The following EPHA6 variants were observed in gnomAD, a reference collection of about 807,000 sequenced individuals.
EPHA6 encodes the protein EPH receptor A6, also known as ephrin type-A receptor 6.
In EPHA6, 50 loss-of-function variants were observed where a neutral mutation model predicts 112.0. The ratio of observed to expected loss-of-function variants is 0.45; its 90% CI spans 0.36 to 0.56. The LOEUF (loss-of-function observed/expected upper bound fraction) is 0.56, where lower values mean the gene tolerates loss of function less well. Ranked by LOEUF, EPHA6 falls within the 20% of genes least tolerant of loss-of-function variation. The pLI, the probability that EPHA6 is intolerant of heterozygous loss-of-function variation, is 0.00. For missense variants in EPHA6, 1,280 were observed against 1,417.4 expected, an observed-to-expected ratio of 0.90 and a Z score of 1.56; for synonymous variants, 529 against 490.7, an observed-to-expected ratio of 1.08 and a Z score of -1.03.
At chr3:97,051,144 G>A (rs1310094172) in intron 3 of EPHA6, among the ~76,000 whole-genome samples, 1 of 152,128 alleles carries the variant, frequency 6.6e-6, no homozygotes, top group Non-Finnish European at 1.5e-5. Flanking sequence ...GGCAATCTAT[G>A]AAACAATTAA....
intron 2 of EPHA6, among the ~76,000 whole-genome samples, chr3:96,967,704 G>T (rs1000200749): frequency 6.6e-6 from 1 of 151,366 alleles, no homozygotes; most frequent in Admixed American, 6.6e-5. Flanking sequence ...GTGTGTGTGT[G>T]TTTTAATTAT....
chr3:96,898,625 C>T (rs1326907452), intron 2 of EPHA6, among the ~76,000 whole-genome samples: 1 of 152,082 alleles, frequency 6.6e-6, no homozygotes, highest in Non-Finnish European at 1.5e-5. Flanking sequence ...CCCATTATGA[C>T]TAGTTAAAAG....
chr3:96,877,131 G>A (rs2037008645), intron 2 of EPHA6, among the ~76,000 whole-genome samples: 1 of 152,082 alleles, frequency 6.6e-6, no homozygotes, highest in South Asian at 2.1e-4. Context: ...GCTATATTTT[G>A]CAACTCTCAT....
chr3:97,241,805 T>C (rs575784529), intron 4 of EPHA6, among the ~76,000 whole-genome samples: 183 of 149,314 alleles, frequency 1.2e-3, no homozygotes, highest in African/African-American at 4.3e-3. Context: ...CGGACAGTTA[T>C]ATACTTATAG....
Position 97,484,066 on chromosome 3 carries a change from G to C in EPHA6, c.2200+7G>C. The C allele has an allele frequency of 6.3e-7, 1 of 1,594,922 alleles. No homozygotes were observed. The highest frequency in any genetic ancestry group is 1.8e-5 in the Admixed American group (1 of 56,672). ...GAGAGAGTCATTGGGGCAGGTAAATGTCAAATCTACACTTTTGAACAAAAC... is the reference window on the plus strand; with the variant it reads ...GAGAGAGTCATTGGGGCAGGTAAATCTCAAATCTACACTTTTGAACAAAAC... On this transcript the variant is annotated splice_region_variant and intron_variant, in intron 10 of 17. Coordinates refer to ENST00000389672, the MANE Select transcript of EPHA6 (RefSeq NM_001080448.3).
chr3:97,434,856 T>G (rs553162069), intron 6 of EPHA6, among the ~76,000 whole-genome samples: 1 of 151,572 alleles, frequency 6.6e-6, no homozygotes, highest in South Asian at 2.1e-4. Flanking sequence ...ATCATACTCT[T>G]TCTCTCTCTC....
At chr3:97,439,689 T>C in intron 6 of EPHA6, 1 of 897,452 alleles carries the variant, frequency 1.1e-6, no homozygotes. Flanking sequence ...TTCTTTGTCA[T>C]GGGTTCAGTG....
At chr3:97,459,890 T>A (rs1419560824) in intron 7 of EPHA6, among the ~76,000 whole-genome samples, 2 of 152,226 alleles carry the variant, frequency 1.3e-5, no homozygotes, top group South Asian at 2.1e-4. Context: ...TCTCTGACAG[T>A]TCATATTTGG....
chr3:97,264,526 T>C (rs754048174), intron 5 of EPHA6, among the ~76,000 whole-genome samples: 1 of 152,194 alleles, frequency 6.6e-6, no homozygotes, highest in Non-Finnish European at 1.5e-5. Flanking sequence ...GCCACAGCCC[T>C]GGATTGGGGA....
chr3:97,441,737 A>T (rs2090144280), intron 6 of EPHA6, among the ~76,000 whole-genome samples: 1 of 152,084 alleles, frequency 6.6e-6, no homozygotes, highest in African/African-American at 2.4e-5. Flanking sequence ...TTAAAATGTA[A>T]TTATAAGTGG....
intron 11 of EPHA6, among the ~76,000 whole-genome samples, chr3:97,555,037 G>A (rs933758153): frequency 3.3e-5 from 5 of 151,492 alleles, no homozygotes; most frequent in African/African-American, 9.7e-5. Context: ...CCATTAACTC[G>A]TCATTTAGCA....
intron 14 of EPHA6, among the ~76,000 whole-genome samples, chr3:97,682,510 G>A (rs1354166094): frequency 2.6e-5 from 4 of 151,870 alleles, no homozygotes; most frequent in Non-Finnish European, 4.4e-5. Flanking sequence ...TATCTATCAG[G>A]CCATACAATT....
chr3:97,221,177 G>C (rs1248889859), intron 3 of EPHA6, among the ~76,000 whole-genome samples: 1 of 151,860 alleles, frequency 6.6e-6, no homozygotes, highest in East Asian at 1.9e-4. Context: ...GATGGGCATG[G>C]TGGTGCATGC....
At chr3:97,006,990 T>A (rs1576308150) in intron 3 of EPHA6, among the ~76,000 whole-genome samples, 1 of 152,220 alleles carries the variant, frequency 6.6e-6, no homozygotes, top group Non-Finnish European at 1.5e-5. Flanking sequence ...ATTTCAGTTC[T>A]TTTGCTTTTG....
At chr3:96,842,173 T>C (rs1030597919) in intron 1 of EPHA6, among the ~76,000 whole-genome samples, 1 of 152,120 alleles carries the variant, frequency 6.6e-6, no homozygotes, top group African/African-American at 2.4e-5. Context: ...AGTTCGCCGG[T>C]ATGAAAATGT....
At chr3:97,633,103 C>A (rs543731522) in intron 13 of EPHA6, among the ~76,000 whole-genome samples, 1 of 152,166 alleles carries the variant, frequency 6.6e-6, no homozygotes, top group East Asian at 1.9e-4. Context: ...TGCGACATGT[C>A]ATTTACTGCT....
chr3:97,082,615 T>G (rs1307849045), intron 3 of EPHA6, among the ~76,000 whole-genome samples: 1 of 151,958 alleles, frequency 6.6e-6, no homozygotes, highest in African/African-American at 2.4e-5. Flanking sequence ...GGGCAGTTTA[T>G]TTGTTGACTT....
In EPHA6 at chr3:97,512,546, G is replaced by C. The variant is rs147480419; in HGVS notation, c.2201-19812G>C. On this transcript the variant is annotated intron_variant, in intron 10 of 17. Transcript: ENST00000389672. The stretch of plus-strand genomic sequence containing the variant: ...CTTAGACGTGGCTATCTAAACACAA[G>C]CCCTCCAATGAAAATACTGATTATT... Among the ~76,000 whole-genome samples the C allele has an allele frequency of 1.6e-4, 25 of 152,088 alleles. No homozygotes were observed. The East Asian group carries it at 4.8e-3, about 29-fold the overall frequency.
At chr3:97,578,715 A>C (rs1162925773) in intron 11 of EPHA6, among the ~76,000 whole-genome samples, 2 of 152,218 alleles carry the variant, frequency 1.3e-5, no homozygotes, top group Non-Finnish European at 2.9e-5. Context: ...ATTTTTTCAG[A>C]CCGAAGATTT....
Sources: allele counts gnomAD v4.1 joint callset (sites outside exome capture counted in the v4.1 genomes callset), GRCh38; gene constraint gnomAD v4.1.1; transcripts MANE v1.5; gene names NCBI Gene and HGNC (gene_info 2026-07-23, HGNC 2026-07-21).